Variants in HPCAL1 observed in about 807,000 individuals in gnomAD.
The protein encoded by HPCAL1 is hippocalcin like 1.
In HPCAL1, 8 loss-of-function variants were observed where a neutral mutation model predicts 17.1. That is an observed-to-expected ratio of 0.47 (90% CI 0.27 to 0.84). The LOEUF is 0.84. HPCAL1 is among the 40% of genes least tolerant of loss of function. The pLI is 0.13. For synonymous variants in HPCAL1, 112 were observed against 111.4 expected (o/e 1.01, Z -0.03); for missense variants, 165 against 271.1 (o/e 0.61, Z 2.75).
chr2:10,377,544 C>T lies in HPCAL1; in HGVS notation c.-110-19291C>T, dbSNP rs1452496397. On this transcript the variant is annotated intron_variant, in intron 1 of 4. Transcript: ENST00000307845. The surrounding 1 kb of genome is among the most constrained non-coding windows in gnomAD (Gnocchi z 5.9). ...GCACTGTCTGCCCGCACACACTCTT[C>T]CACCCTCTGTCGGCAGGGCCCCTGC... Among the ~76,000 whole-genome samples, 2 of 152,136 alleles carry T rather than the reference C, an allele frequency of 1.3e-5. No homozygotes were observed. Among genetic ancestry groups the T allele is most frequent in the Non-Finnish European group, 2.9e-5 (2 of 68,006 alleles).
At chr2:10,318,442 G>A (rs543999676) in intron 1 of HPCAL1, among the ~76,000 whole-genome samples, 45 of 152,140 alleles carry the variant, frequency 3.0e-4, no homozygotes, top group African/African-American at 8.4e-4. Context: ...TCCCGGTGCC[G>A]GACAGCCTGT....
In HPCAL1 at chr2:10,410,436, CTTTT is replaced by C. The variant is rs36002921; in HGVS notation, c.-24-9276_-24-9273del. 9.0e-3 allele frequency among the ~76,000 whole-genome samples: 701 copies of C among 77,506 alleles called. 9 individuals carry two copies. Among genetic ancestry groups the C allele is most frequent in the African/African-American group, 0.034 (676 of 20,138 alleles). 50.8% of individuals were successfully genotyped at this position (77,506 alleles called of 152,430 possible). On this transcript the variant is annotated intron_variant, in intron 2 of 4. Transcript: ENST00000307845. ...CCTTGTTCCTCTTTTTCTTCTTCTT[CTTTT>C]TTTTTTTTTTTTTTTTTTTTTACAA...
At chr2:10,399,262 T>TCACCACCATCACCACCAC in intron 2 of HPCAL1, among the ~76,000 whole-genome samples, 1 of 14,294 alleles carries the variant, frequency 7.0e-5, no homozygotes, top group Admixed American at 7.7e-4. Flanking sequence ...ACCACCACCA[T>TCACCACCATCACCACCAC]CACCACCACC....
intron 1 of HPCAL1, among the ~76,000 whole-genome samples, chr2:10,366,171 G>A (rs185596985): frequency 1.8e-3 from 276 of 152,322 alleles, no homozygotes; most frequent in African/African-American, 6.2e-3. Flanking sequence ...CAGGGCTCAA[G>A]GTCAGTGGGT....
intron 1 of HPCAL1, among the ~76,000 whole-genome samples, chr2:10,372,692 C>T (rs910052600): frequency 2.0e-5 from 3 of 152,222 alleles, no homozygotes; most frequent in Non-Finnish European, 2.9e-5. Context: ...TGGGTCCCAT[C>T]GCTCTCCGTC....
chr2:10,375,348 A>T (rs1209412288), intron 1 of HPCAL1, among the ~76,000 whole-genome samples: 1 of 152,138 alleles, frequency 6.6e-6, no homozygotes, highest in East Asian at 1.9e-4. Flanking sequence ...CTGATGAGGG[A>T]GCCCCTCCCA....
intron 2 of HPCAL1, among the ~76,000 whole-genome samples, chr2:10,405,899 C>A (rs757116083): frequency 7.2e-5 from 11 of 152,196 alleles, no homozygotes; most frequent in African/African-American, 2.4e-4. Flanking sequence ...TTGCAGTATG[C>A]GCCAAGTCCC....
At chr2:10,361,849 T>A (rs528820434) in intron 1 of HPCAL1, among the ~76,000 whole-genome samples, 2 of 152,072 alleles carry the variant, frequency 1.3e-5, no homozygotes, top group African/African-American at 4.8e-5. Flanking sequence ...CCTGAGTAGC[T>A]GGGATTATAG....
chr2:10,373,841 G>A (rs1327189477), intron 1 of HPCAL1, among the ~76,000 whole-genome samples: 1 of 152,170 alleles, frequency 6.6e-6, no homozygotes, highest in African/African-American at 2.4e-5. Flanking sequence ...TTAGCCCCAA[G>A]GATCTTACCA....
intron 2 of HPCAL1, among the ~76,000 whole-genome samples, chr2:10,416,773 A>T (rs576637725): frequency 6.6e-6 from 1 of 152,048 alleles, no homozygotes; most frequent in East Asian, 1.9e-4. Flanking sequence ...TCTAAAGTGA[A>T]CTAGCTGCAT....
intron 3 of HPCAL1, among the ~76,000 whole-genome samples, chr2:10,421,102 C>A (rs1671035182): frequency 6.6e-6 from 1 of 152,146 alleles, no homozygotes. Flanking sequence ...GCAAGAGGTA[C>A]CTGCCAAGAC....
At chr2:10,402,377 G>C (rs1669674246) in intron 2 of HPCAL1, among the ~76,000 whole-genome samples, 1 of 152,208 alleles carries the variant, frequency 6.6e-6, no homozygotes, top group South Asian at 2.1e-4. Flanking sequence ...GTGTATGGGT[G>C]GGTGCGTTGC....
rs183140584 is a variant in HPCAL1, at chr2:10,399,873, C to T, written c.-25+2953C>T. 1.3e-3 allele frequency among the ~76,000 whole-genome samples: 202 copies of T among 152,332 alleles called. 1 individual carries two copies. Among genetic ancestry groups the T allele is most frequent in the African/African-American group, 4.7e-3 (194 of 41,566 alleles). On this transcript the variant is annotated intron_variant, in intron 2 of 4. Transcript: ENST00000307845. ...CTTCCCTTGAGGTGGGTTCATGGAG[C>T]ACGTACCCTGTGTCAGACAAGCTTC...
rs766882950 is a variant in HPCAL1, at chr2:10,419,884, C to T, written c.127C>T (p.Leu43=). The T allele has an allele frequency of 5.0e-6, 8 of 1,613,764 alleles. No homozygotes were observed. In the African/African-American group the frequency reaches 1.1e-4, roughly 22 times the overall value. Residue 43 remains leucine (L), a synonymous_variant, in exon 3 of 5, where the codon CTG becomes TTG. Transcript: ENST00000307845. The surrounding 1 kb of genome is among the most constrained non-coding windows in gnomAD (Gnocchi z 5.0). The stretch of plus-strand genomic sequence containing the variant: ...CCTCAAGGACTGCCCCACCGGCCAC[C>T]TGACCGTGGACGAGTTCAAGAAGAT... The part of the protein sequence containing the change: ...GFLKDCPTGH[L]TVDEFKKIYA...
chr2:10,340,302 CTTCTTGGTG>C (rs1223595060), intron 1 of HPCAL1, among the ~76,000 whole-genome samples: 2 of 152,200 alleles, frequency 1.3e-5, no homozygotes. Context: ...ATTACTGGAG[CTTCTTGGTG>C]TGCAGTGTCT....
At chr2:10,306,101 A>T (rs1662606025) in intron 1 of HPCAL1, among the ~76,000 whole-genome samples, 1 of 152,200 alleles carries the variant, frequency 6.6e-6, no homozygotes, top group South Asian at 2.1e-4. Context: ...GTGATAATCC[A>T]GGGTACTAAC....
At chr2:10,399,549 GCCA>G (rs1212772022) in intron 2 of HPCAL1, among the ~76,000 whole-genome samples, 31 of 41,188 alleles carry the variant, frequency 7.5e-4, no homozygotes, top group African/African-American at 3.7e-3. Context: ...CACCATCACC[GCCA>G]CCACTACCGC....
chr2:10,392,984 C>T (rs746624414), intron 1 of HPCAL1, among the ~76,000 whole-genome samples: 2 of 152,236 alleles, frequency 1.3e-5, no homozygotes, highest in Non-Finnish European at 2.9e-5. Flanking sequence ...AGCCAAAGGG[C>T]AGCACAGAGC....
chr2:10,352,211 G>T (rs1665885147), intron 1 of HPCAL1, among the ~76,000 whole-genome samples: 1 of 152,086 alleles, frequency 6.6e-6, no homozygotes, highest in Admixed American at 6.5e-5. Context: ...TATGTGAATT[G>T]TATGGTGTGT....
Sources: allele counts gnomAD v4.1 joint callset (sites outside exome capture counted in the v4.1 genomes callset), GRCh38; gene constraint gnomAD v4.1.1; non-coding constraint Gnocchi (gnomAD v3.1); transcripts MANE v1.5; gene names NCBI Gene and HGNC (gene_info 2026-07-23, HGNC 2026-07-21).